CDK10: variants seen among roughly 807,000 people sequenced by gnomAD.
The protein encoded by CDK10 is cyclin-dependent kinase 10.
CDK10 carries 55 observed loss-of-function variants against 51.0 expected under a neutral mutation model. The ratio of observed to expected loss-of-function variants is 1.08; its 90% CI spans 0.87 to 1.35. The LOEUF (loss-of-function observed/expected upper bound fraction) is 1.35, where lower values mean the gene tolerates loss of function less well. Among genes scored for constraint, CDK10 ranks in the 40% most tolerant of loss-of-function variants. The probability of loss-of-function intolerance (pLI) is 0.00; values close to 1 mark genes in which losing one functional copy is unlikely to be tolerated. For missense variants in CDK10, 589 were observed against 485.1 expected (o/e 1.21, Z -2.01); for synonymous variants, 255 against 199.1 (o/e 1.28, Z -2.36).
At chr16:89,695,131 C>T (rs1238951226) in intron 11 of CDK10, 61 bp downstream of exon 11, 2 of 1,569,840 alleles carry the variant, frequency 1.3e-6, no homozygotes, top group Non-Finnish European at 1.7e-6. Context: ...GACCGTTTCC[C>T]AGAGCCCAGC....
chr16:89,687,248 C>A (rs1474783747), intron 1 of CDK10: 5 of 332,618 alleles, frequency 1.5e-5, no homozygotes, highest in Admixed American at 3.8e-5. Flanking sequence ...TTCACGCGAA[C>A]CCTGGGCGCG....
chr16:89,694,848 CCCCCGCCCG>C, intron 10 of CDK10, 60 bp downstream of exon 10: 12 of 1,512,642 alleles, frequency 7.9e-6, no homozygotes, highest in Non-Finnish European at 1.1e-5. Flanking sequence ...GCGCCCGCAG[CCCCCGCCCG>C]TGCCCACGCC....
In CDK10 at chr16:89,695,709, C is replaced by A. The variant is rs752230519; in HGVS notation, c.*17C>A. On this transcript the variant is annotated 3_prime_UTR_variant, in exon 13 of 13. Coordinates refer to ENST00000353379, the MANE Select transcript of CDK10 (RefSeq NM_052988.5). ...AAACCCTGACGGTGGGCCTGGCACACGCCTGTATTCCCACACCAGGTCTTC... is the reference window on the plus strand; with the variant it reads ...AAACCCTGACGGTGGGCCTGGCACAAGCCTGTATTCCCACACCAGGTCTTC... 6.3e-7 allele frequency: 1 copy of A among 1,590,606 alleles called. No homozygotes were observed. Among genetic ancestry groups the A allele is most frequent in the Admixed American group, 1.7e-5 (1 of 57,392 alleles).
intron 5 of CDK10, 125 bp downstream of exon 5, chr16:89,692,012 T>A: frequency 2.6e-6 from 2 of 761,176 alleles, no homozygotes; most frequent in Non-Finnish European, 4.3e-6. Flanking sequence ...CACCTCCCAG[T>A]GTTTCAGCGA....
At chr16:89,687,951 C>T (rs1356618311) in intron 1 of CDK10, 1 of 232,926 alleles carries the variant, frequency 4.3e-6, no homozygotes, top group Non-Finnish European at 8.9e-6. Flanking sequence ...GTGGCTCACA[C>T]CTGTAATCTC....
chr16:89,695,633 C>A lies in CDK10; in HGVS notation c.1024C>A (p.Arg342Ser), dbSNP rs759683069. The A allele has an allele frequency of 1.2e-6, 2 of 1,605,856 alleles. No homozygotes were observed. Among genetic ancestry groups the A allele is most frequent in the Non-Finnish European group, 1.7e-6 (2 of 1,177,724 alleles). Residue 342 changes from arginine (R) to serine (S), a missense_variant, in exon 13 of 13, where the codon CGC (arginine) becomes AGC (serine). Physicochemically the swap from Arg to Ser is moderately radical, Grantham distance 110. Coordinates refer to ENST00000353379, the MANE Select transcript of CDK10 (RefSeq NM_052988.5). ...PELMPTFPHH[R>S]NKRAAPATSE... ...GCTCATGCCGACCTTTCCCCACCAC[C>A]GCAACAAGCGGGCCGCCCCAGCCAC...
chr16:89,696,132 T>C lies in CDK10; in HGVS notation c.*440T>C, dbSNP rs991312023. On this transcript the variant is annotated 3_prime_UTR_variant, in exon 13 of 13. Coordinates refer to ENST00000353379, the MANE Select transcript of CDK10 (RefSeq NM_052988.5). ...GGGGCTGTCCCGTGCATGGGTTGGC[T>C]GTGGGGACCCCAGGTGGGCCTGGCA... is the stretch of plus-strand genomic sequence containing the variant. 6 of 417,324 alleles carry C rather than the reference T, an allele frequency of 1.4e-5. No homozygotes were observed. Among genetic ancestry groups the C allele is most frequent in the African/African-American group, 1.2e-4 (6 of 49,558 alleles). The allele number at this position is 417,324 out of a possible 1,614,324, so 25.9% of individuals were successfully genotyped here. A position where few individuals can be genotyped will look rare whatever the true frequency, so the allele number is the denominator to read the frequency against.
At position 89,691,815 on chromosome 16, in the gene CDK10, G is replaced by C. The variant is rs757074278; in HGVS notation, c.345G>C (p.Leu115=). The C allele has an allele frequency of 6.2e-5, 100 of 1,613,960 alleles. No individual in the cohort carries two copies. The highest frequency in any genetic ancestry group is 8.2e-5 in the Non-Finnish European group (97 of 1,179,920). Residue 115 remains leucine, a synonymous_variant, in exon 5 of 13, where the codon CTG becomes CTC. Transcript: ENST00000353379. ...CTTCTGTTTCTTCCAGCATCTTCCTGGTGATGGGTTACTGTGAGCAGGACC... is the reference window on the plus strand; with the variant it reads ...CTTCTGTTTCTTCCAGCATCTTCCTCGTGATGGGTTACTGTGAGCAGGACC... ...VVGNHLESIF[L]VMGYCEQDLA...
intron 11 of CDK10, 41 bp from the exon 12 acceptor site, chr16:89,695,252 C>T (rs1567526754): frequency 1.3e-6 from 2 of 1,583,148 alleles, no homozygotes; most frequent in Non-Finnish European, 8.6e-7. Flanking sequence ...GGTGAGGAAG[C>T]CGCACTCACA....
Position 89,695,623 on chromosome 16 carries a change from T to A in CDK10, c.1014T>A (p.Phe338Leu). ...LPCEPELMPT[F>L]PHHRNKRAAP... Reference sequence around the variant, plus strand: ...GTGAGCCGGAGCTCATGCCGACCTTTCCCCACCACCGCAACAAGCGGGCCG... The same window carrying A: ...GTGAGCCGGAGCTCATGCCGACCTTACCCCACCACCGCAACAAGCGGGCCG... The change falls in exon 13 of 13, where the codon TTT (phenylalanine) becomes TTA (leucine). Residue 338 changes from phenylalanine to leucine, a missense_variant. Coordinates refer to ENST00000353379, the MANE Select transcript of CDK10 (RefSeq NM_052988.5). 1.2e-6 allele frequency: 2 copies of A among 1,605,558 alleles called. No individual in the cohort carries two copies. Among genetic ancestry groups the A allele is most frequent in the Non-Finnish European group, 1.7e-6 (2 of 1,177,738 alleles).
intron 1 of CDK10, 144 bp from the exon 2 acceptor site, chr16:89,689,108 A>C: frequency 1.5e-6 from 1 of 672,208 alleles, no homozygotes; most frequent in African/African-American, 1.8e-5. Context: ...TCAAAAAAAG[A>C]AAAAAAAAGC....
chr16:89,693,227 C>G, intron 6 of CDK10, 47 bp from the exon 7 acceptor site: 4 of 1,587,164 alleles, frequency 2.5e-6, no homozygotes, highest in Non-Finnish European at 3.5e-6. Context: ...GAGCTCTCAG[C>G]CCCTGTGGCC....
chr16:89,695,252 C>G (rs1567526754), intron 11 of CDK10, 41 bp from the exon 12 acceptor site: 1 of 1,583,148 alleles, frequency 6.3e-7, no homozygotes, highest in Non-Finnish European at 8.6e-7. Flanking sequence ...GGTGAGGAAG[C>G]CGCACTCACA....
chr16:89,695,330 AAGG>A lies in CDK10; in HGVS notation c.973_975del (p.Glu325del), dbSNP rs1371913236. ...GGACTGCCTGGAGAGCTCCTATTTCAAGGAGAAGCCCCTACGTGAGTGTGCAGG... is the reference window on the plus strand; with the variant it reads ...GGACTGCCTGGAGAGCTCCTATTTCAAGAAGCCCCTACGTGAGTGTGCAGG... On this transcript the variant is annotated inframe_deletion, in exon 12 of 13. Coordinates refer to ENST00000353379, the MANE Select transcript of CDK10 (RefSeq NM_052988.5). 6 of 1,612,226 alleles carry A rather than the reference AAGG, an allele frequency of 3.7e-6. No individual in the cohort carries two copies. The highest frequency in any genetic ancestry group is 1.3e-5 in the African/African-American group (1 of 74,888).
chr16:89,692,723 C>T, intron 6 of CDK10: 1 of 412,760 alleles, frequency 2.4e-6, no homozygotes. Context: ...AAGTGATCCA[C>T]CCACCTTGGC....
In CDK10 at chr16:89,694,251, C is replaced by T. The variant is rs747159225; in HGVS notation, c.668+19C>T. ...ACATGTGGTGAGGAGATACGGTTAC[C>T]GCTCCTGGGGCCTCAGGAAGGGCTG... is the stretch of plus-strand genomic sequence containing the variant. On this transcript the variant is annotated intron_variant, in intron 9 of 12. Coordinates refer to ENST00000353379, the MANE Select transcript of CDK10 (RefSeq NM_052988.5). 15 of 1,612,502 alleles carry T rather than the reference C, an allele frequency of 9.3e-6. No individual in the cohort carries two copies. The highest frequency in any genetic ancestry group is 4.5e-5 in the East Asian group (2 of 44,868).
intron 1 of CDK10, chr16:89,687,652 C>G: frequency 2.3e-6 from 1 of 442,410 alleles, no homozygotes; most frequent in South Asian, 1.6e-5. Context: ...CATCGTCAGC[C>G]TCCTGGGCTC....
In CDK10 at chr16:89,695,284, C is replaced by G. The variant is rs371810106; in HGVS notation, c.933-9C>G. On this transcript the variant is annotated splice_polypyrimidine_tract_variant and intron_variant, in intron 11 of 12. Transcript: ENST00000353379. The stretch of plus-strand genomic sequence containing the variant: ...CACAAGTCGCACTAACGCAGGCTGC[C>G]TCCTCCAGGGCGACGGCCGGGGACT... 12 of 1,608,048 alleles carry G rather than the reference C, an allele frequency of 7.5e-6. No homozygotes were observed. In the African/African-American group the frequency reaches 8.0e-5, roughly 11 times the overall value.
chr16:89,691,427 C>T lies in CDK10; in HGVS notation c.233-16C>T. 2 of 1,584,434 alleles carry T rather than the reference C, an allele frequency of 1.3e-6. No individual in the cohort carries two copies. The highest frequency in any genetic ancestry group is 2.7e-5 in the African/African-American group (2 of 74,612). ...ATCACTGGGGTGGGGCTCGCTGAGG[C>T]CACCTCCCTCCCCAGGCATCCCCAT... On this transcript the variant is annotated splice_polypyrimidine_tract_variant and intron_variant, in intron 3 of 12. Transcript: ENST00000353379.
Sources: gnomAD v4.1 joint callset for allele counts on GRCh38, gnomAD v4.1.1 for gene constraint, MANE v1.5 for transcripts, NCBI Gene and HGNC (gene_info 2026-07-23, HGNC 2026-07-21) for gene names.